IQSEC1: variants seen among roughly 807,000 people sequenced by gnomAD.
IQSEC1 encodes IQ motif and SEC7 domain-containing protein 1.
Under a neutral mutation model 91.0 loss-of-function variants are expected in IQSEC1, and 31 were observed. That is an observed-to-expected ratio of 0.34 (90% confidence interval 0.26 to 0.46). The LOEUF (loss-of-function observed/expected upper bound fraction) is 0.46, where lower values mean the gene tolerates loss of function less well. Ranked by LOEUF, IQSEC1 falls within the 20% of genes least tolerant of loss-of-function variation. The pLI is 1.00. For synonymous variants in IQSEC1, 699 were observed against 662.6 expected (o/e 1.05, Z -0.84); for missense variants, 1,388 against 1,575.6 (o/e 0.88, Z 2.02).
intron 2 of IQSEC1, among the ~76,000 whole-genome samples, chr3:12,937,656 T>C (rs1698322464): frequency 6.6e-6 from 1 of 152,250 alleles, no homozygotes; most frequent in Non-Finnish European, 1.5e-5. Context: ...CTGCCTCCTA[T>C]GACTGTGGTG....
At chr3:13,129,383 G>A (rs1283371846) in intron 2 of IQSEC1, among the ~76,000 whole-genome samples, 5 of 151,974 alleles carry the variant, frequency 3.3e-5, no homozygotes, top group Admixed American at 2.0e-4. Flanking sequence ...CTTCTGGATC[G>A]GTCTGACCAC....
At chr3:12,951,630 TAGG>T (rs1699554270) in intron 1 of IQSEC1, among the ~76,000 whole-genome samples, 2 of 152,130 alleles carry the variant, frequency 1.3e-5, no homozygotes, top group South Asian at 2.1e-4. Context: ...CACGCAGTTC[TAGG>T]AGAATGATGC....
At position 13,225,818 on chromosome 3, in the gene IQSEC1, T is replaced by A. The variant is rs75950813; in HGVS notation, c.272+56893A>T. Among the ~76,000 whole-genome samples, 42 of 152,308 alleles carry A rather than the reference T, an allele frequency of 2.8e-4. 1 individual carries two copies. In the East Asian group the frequency reaches 8.1e-3, roughly 29 times the overall value. ...TAAGGAAGAAAAGGTTTGATGATCT[T>A]GCACCTTGCATAGGGTGCAAGAAGC... On this transcript the variant is annotated intron_variant, in intron 1 of 15. Transcript: ENST00000648114.
chr3:12,911,804 AT>A, intron 9 of IQSEC1, 76 bp from the exon 10 acceptor site: 1 of 1,004,384 alleles, frequency 1.0e-6, no homozygotes, highest in South Asian at 1.3e-5. Context: ...TGGTCAGAGG[AT>A]CCTCCTGGAG....
intron 1 of IQSEC1, among the ~76,000 whole-genome samples, chr3:12,953,420 G>A (rs753192190): frequency 7.9e-5 from 12 of 152,208 alleles, no homozygotes; most frequent in African/African-American, 1.9e-4. Flanking sequence ...GATAAGGCCC[G>A]GCCCAGGTCC....
In IQSEC1 at chr3:12,900,021, T is replaced by C. The variant is rs1028247088; in HGVS notation, c.*962A>G. ...TCGCAGCCATTAAAGTGTCTAAGAA[T>C]CCGTGTAACCAATGTCCTAAGACAA... On this transcript the variant is annotated 3_prime_UTR_variant, in exon 14 of 14. Transcript: ENST00000613206. 5.1e-6 allele frequency: 5 copies of C among 985,232 alleles called. No individual in the cohort carries two copies. The highest frequency in any genetic ancestry group is 4.8e-6 in the Non-Finnish European group (4 of 829,938). 61.0% of individuals were successfully genotyped at this position (985,232 alleles called of 1,614,324 possible).
intron 1 of IQSEC1, among the ~76,000 whole-genome samples, chr3:13,194,300 G>T (rs553916978): frequency 6.6e-6 from 1 of 152,268 alleles, no homozygotes; most frequent in East Asian, 1.9e-4. Context: ...TCACTCCGCA[G>T]CTGCCTCCCG....
chr3:12,909,553 G>T lies in IQSEC1; in HGVS notation c.2417-119C>A. 1 of 1,008,378 alleles carries T rather than the reference G, an allele frequency of 9.9e-7. No individual in the cohort carries two copies. The highest frequency in any genetic ancestry group is 1.6e-5 in the African/African-American group (1 of 62,320). 62.5% of individuals were successfully genotyped at this position (1,008,378 alleles called of 1,614,324 possible). A position where few individuals can be genotyped will look rare whatever the true frequency, so the allele number is the denominator to read the frequency against. ...TGTGCGTGAGCCTGGGATAAGTGCC[G>T]GGAGTCCAGCCTCCGCAGTGGCAGG... On this transcript the variant is annotated intron_variant, in intron 10 of 13. Coordinates refer to ENST00000613206, the MANE Select transcript of IQSEC1 (RefSeq NM_001134382.3). This position sits in a 1 kb window ranked among gnomAD's most constrained non-coding sequence, Gnocchi z 4.9.
At chr3:13,037,669 T>A (rs768859717) in intron 1 of IQSEC1, among the ~76,000 whole-genome samples, 63 of 152,156 alleles carry the variant, frequency 4.1e-4, no homozygotes, top group Non-Finnish European at 2.8e-4. Context: ...TATAGTGGAG[T>A]ATGATTCAGC....
At chr3:13,170,610 G>A (rs560264555) in intron 1 of IQSEC1, among the ~76,000 whole-genome samples, 119 of 152,348 alleles carry the variant, frequency 7.8e-4, no homozygotes, top group Non-Finnish European at 1.6e-3. Flanking sequence ...AGAGCGCCAG[G>A]GTAATGCAGC....
At chr3:13,218,563 C>T (rs1341302546) in intron 1 of IQSEC1, among the ~76,000 whole-genome samples, 1 of 152,256 alleles carries the variant, frequency 6.6e-6, no homozygotes, top group Non-Finnish European at 1.5e-5. Context: ...CTTTTCACAA[C>T]TCATGACTGG....
intron 1 of IQSEC1, among the ~76,000 whole-genome samples, chr3:13,165,434 A>G (rs1465347397): frequency 6.7e-6 from 1 of 148,802 alleles, no homozygotes; most frequent in Admixed American, 6.9e-5. Context: ...AGGAGATCCC[A>G]GGAGCAGCTT....
At chr3:13,063,553 C>T (rs1468785635) in intron 1 of IQSEC1, among the ~76,000 whole-genome samples, 1 of 151,938 alleles carries the variant, frequency 6.6e-6, no homozygotes, top group Non-Finnish European at 1.5e-5. Context: ...GGAAGGCCCA[C>T]CTGAGAAGAG....
At chr3:12,952,153 G>A (rs1203488966) in intron 1 of IQSEC1, among the ~76,000 whole-genome samples, 1 of 152,140 alleles carries the variant, frequency 6.6e-6, no homozygotes, top group Non-Finnish European at 1.5e-5. Context: ...CCAGTTCCCA[G>A]GTTTGGAGAA....
At position 12,935,808 on chromosome 3, in the gene IQSEC1, C is replaced by T; in HGVS notation, c.1208G>A (p.Ser403Asn). The T allele has an allele frequency of 1.2e-6, 2 of 1,607,662 alleles. No individual in the cohort carries two copies. Among genetic ancestry groups the T allele is most frequent in the Non-Finnish European group, 1.7e-6 (2 of 1,179,816 alleles). ...YERSLGGQQG[S>N]PKHGPHSGAP... The stretch of plus-strand genomic sequence containing the variant: ...GCCGCTGTGGGGACCATGCTTGGGA[C>T]TGCCCTGCTGCCCGCCAAGGCTGCG... Residue 403 changes from serine to asparagine, a missense_variant, in exon 3 of 14, where the codon AGT becomes AAT. Physicochemically the swap from Ser to Asn is conservative, Grantham distance 46. Around this residue, in one of 2 missense-constraint regions of IQSEC1, gnomAD observed 1,059 missense variants for 1,317.8 expected, o/e 0.80. Coordinates refer to ENST00000613206, the MANE Select transcript of IQSEC1 (RefSeq NM_001134382.3). The surrounding 1 kb of genome is among the most constrained non-coding windows in gnomAD (Gnocchi z 8.0).
At chr3:13,209,208 C>G (rs1461067109) in intron 1 of IQSEC1, among the ~76,000 whole-genome samples, 1 of 152,206 alleles carries the variant, frequency 6.6e-6, no homozygotes, top group Non-Finnish European at 1.5e-5. Context: ...GCCCACAAAG[C>G]CCCAAGAAAC....
chr3:13,001,660 G>A (rs977886033), intron 1 of IQSEC1, among the ~76,000 whole-genome samples: 1 of 152,232 alleles, frequency 6.6e-6, no homozygotes, highest in Non-Finnish European at 1.5e-5. Context: ...GTTTAAAAAT[G>A]TATTGTCTTG....
At chr3:13,077,715 C>T (rs1034931253), upstream of IQSEC1, among the ~76,000 whole-genome samples, 1 of 152,204 alleles carries the variant, frequency 6.6e-6, no homozygotes, top group Non-Finnish European at 1.5e-5. Flanking sequence ...AGGAAGCAGC[C>T]GGAAGCAATT....
chr3:13,125,765 ACACCTCTGC>A (rs1286591209), intron 2 of IQSEC1, among the ~76,000 whole-genome samples: 1 of 152,160 alleles, frequency 6.6e-6, no homozygotes, highest in Admixed American at 6.5e-5. Context: ...TAGACTCCAG[ACACCTCTGC>A]CACCCTATGC....
Sources: allele counts gnomAD v4.1 joint callset (sites outside exome capture counted in the v4.1 genomes callset), GRCh38; gene constraint gnomAD v4.1.1; regional missense constraint gnomAD v4.1.1; non-coding constraint Gnocchi (gnomAD v3.1); transcripts MANE v1.5; gene names NCBI Gene and HGNC (gene_info 2026-07-23, HGNC 2026-07-21).